TSPEAR: variants seen among roughly 807,000 people sequenced by gnomAD.
The protein encoded by TSPEAR is thrombospondin type laminin G domain and EAR repeats.
A neutral mutation model predicts 71.6 loss-of-function variants in TSPEAR; 69 were observed. That is an observed-to-expected ratio of 0.96 (90% CI 0.79 to 1.18). The LOEUF is 1.18. Among genes scored for constraint, TSPEAR ranks in the 50% most tolerant of loss-of-function variants. The pLI, the probability that TSPEAR is intolerant of heterozygous loss-of-function variation, is 0.00. For missense variants in TSPEAR, 971 were observed against 894.9 expected, an observed-to-expected ratio of 1.09 and a Z score of -1.09; for synonymous variants, 402 against 387.2, an observed-to-expected ratio of 1.04 and a Z score of -0.45.
intron 1 of TSPEAR, among the ~76,000 whole-genome samples, chr21:44,673,342 A>G (rs893739397): frequency 1.2e-4 from 18 of 152,242 alleles, no homozygotes; most frequent in African/African-American, 3.6e-4. Context: ...TCTTTCATGG[A>G]CAATCAAAAG....
chr21:44,568,169 CAG>C (rs879989853), intron 1 of TSPEAR, among the ~76,000 whole-genome samples, 164 bp from the exon 2 acceptor site: 3 of 152,204 alleles, frequency 2.0e-5, no homozygotes, highest in Non-Finnish European at 2.9e-5. Flanking sequence ...GGTAAGGAAA[CAG>C]AGGCACCATG....
chr21:44,540,042 A>G (rs2053188229), intron 2 of TSPEAR: 1 of 1,611,340 alleles, frequency 6.2e-7, no homozygotes, highest in African/African-American at 1.3e-5. Flanking sequence ...GCCGGGGCGC[A>G]GCAGCTGAGG....
At chr21:44,579,703 A>G (rs1978746798) in intron 1 of TSPEAR, 1 of 1,565,952 alleles carries the variant, frequency 6.4e-7, no homozygotes, top group Non-Finnish European at 8.6e-7. Flanking sequence ...CCGAGTCAGG[A>G]CCAGTTGGCC....
chr21:44,621,639 C>T lies in TSPEAR; in HGVS notation c.83-53634G>A, dbSNP rs377448183. On this transcript the variant is annotated intron_variant, in intron 1 of 11. Coordinates refer to ENST00000323084, the MANE Select transcript of TSPEAR (RefSeq NM_144991.3). ...TACTTCAGGCCCCACTTCCTAAGGT[C>T]TGGAAAATTATGGCAGCCTAATAAA... Among the ~76,000 whole-genome samples, 4 of 152,272 alleles carry T rather than the reference C, an allele frequency of 2.6e-5. No individual in the cohort carries two copies. The East Asian group carries it at 7.7e-4, about 29-fold the overall frequency.
At chr21:44,580,571 G>A (rs371928961) in intron 1 of TSPEAR, 5 of 1,609,642 alleles carry the variant, frequency 3.1e-6, no homozygotes, top group Admixed American at 1.7e-5. Context: ...CATGGTGCAC[G>A]CGGCCATGCT....
At chr21:44,647,546 G>C (rs994952399) in intron 1 of TSPEAR, 15 of 704,980 alleles carry the variant, frequency 2.1e-5, no homozygotes, top group Non-Finnish European at 9.5e-6. Flanking sequence ...AAATCCCTCA[G>C]CAGGTGGACT....
intron 1 of TSPEAR, chr21:44,600,994 T>G (rs1471134276): frequency 2.2e-5 from 35 of 1,612,172 alleles, no homozygotes; most frequent in Non-Finnish European, 2.8e-5. Flanking sequence ...GCCTGTGTAC[T>G]GTGTGCCTGT....
chr21:44,605,202 T>C (rs1981230542), intron 1 of TSPEAR, among the ~76,000 whole-genome samples: 1 of 152,152 alleles, frequency 6.6e-6, no homozygotes, highest in African/African-American at 2.4e-5. Context: ...AAGAAAACAA[T>C]ACCATTTACA....
At chr21:44,536,696 A>C (rs761566503) in intron 2 of TSPEAR, among the ~76,000 whole-genome samples, 2 of 152,248 alleles carry the variant, frequency 1.3e-5, no homozygotes, top group African/African-American at 2.4e-5. Context: ...TTGCCACAGG[A>C]AAAACAATAG....
intron 1 of TSPEAR, among the ~76,000 whole-genome samples, chr21:44,589,360 ATT>A (rs374779860): frequency 7.2e-5 from 11 of 152,278 alleles, no homozygotes; most frequent in African/African-American, 2.6e-4. Context: ...TCTGATGGAC[ATT>A]TAGGCTTCTT....
At chr21:44,553,370 A>T (rs2053477764) in intron 2 of TSPEAR, among the ~76,000 whole-genome samples, 1 of 152,206 alleles carries the variant, frequency 6.6e-6, no homozygotes, top group Non-Finnish European at 1.5e-5. Flanking sequence ...AAGATGAAAG[A>T]CAGCAAGTCT....
chr21:44,682,566 G>A (rs1156458174), intron 1 of TSPEAR, among the ~76,000 whole-genome samples: 13 of 152,200 alleles, frequency 8.5e-5, no homozygotes, highest in African/African-American at 2.4e-4. Flanking sequence ...ATCATACTGG[G>A]GAACCTGCTG....
At position 44,646,788 on chromosome 21, in the gene TSPEAR, C is replaced by T. The variant is rs372003177; in HGVS notation, c.82+64645G>A. On this transcript the variant is annotated intron_variant, in intron 1 of 11. Transcript: ENST00000323084. ...CTGTCTGCTGCAAGACTGTCTGCTGCAAGCCTGTGTGCTGTGTGCCTGTCT... is the reference window on the plus strand; with the variant it reads ...CTGTCTGCTGCAAGACTGTCTGCTGTAAGCCTGTGTGCTGTGTGCCTGTCT... 216 of 1,612,848 alleles carry T rather than the reference C, an allele frequency of 1.3e-4. No homozygotes were observed. The African/African-American group carries it at 2.7e-3, about 20-fold the overall frequency.
chr21:44,516,749 C>T (rs1300849199), intron 9 of TSPEAR, among the ~76,000 whole-genome samples: 3 of 152,188 alleles, frequency 2.0e-5, no homozygotes, highest in African/African-American at 7.2e-5. Flanking sequence ...GCCAGGCAAA[C>T]ATTCTCCTTT....
At chr21:44,676,990 C>T (rs1233874015) in intron 1 of TSPEAR, 2 of 926,862 alleles carry the variant, frequency 2.2e-6, no homozygotes, top group Admixed American at 1.7e-5. Flanking sequence ...CATTCCTTTC[C>T]ACCCAGGAAG....
intron 1 of TSPEAR, among the ~76,000 whole-genome samples, chr21:44,581,758 C>T (rs971841078): frequency 5.3e-5 from 8 of 152,168 alleles, no homozygotes; most frequent in Non-Finnish European, 7.3e-5. Flanking sequence ...ATTTTTGGCT[C>T]ACTGTAATGA....
chr21:44,702,370 C>T, intron 1 of TSPEAR: 2 of 891,628 alleles, frequency 2.2e-6, no homozygotes, highest in Non-Finnish European at 2.9e-6. Context: ...CCCCTGCTGC[C>T]AGGCAGCCTG....
intron 1 of TSPEAR, chr21:44,579,913 G>A (rs1555924680): frequency 1.2e-6 from 2 of 1,613,406 alleles, no homozygotes; most frequent in Admixed American, 1.7e-5. Flanking sequence ...GGCAGAGGAG[G>A]GACACGGAGG....
intron 2 of TSPEAR, among the ~76,000 whole-genome samples, chr21:44,561,939 C>G (rs1601418935): frequency 6.6e-6 from 1 of 152,214 alleles, no homozygotes; most frequent in East Asian, 1.9e-4. Flanking sequence ...GATACCCTCT[C>G]TCATCACTCC....
Sources: allele counts gnomAD v4.1 joint callset (sites outside exome capture counted in the v4.1 genomes callset), GRCh38; gene constraint gnomAD v4.1.1; transcripts MANE v1.5; gene names NCBI Gene and HGNC (gene_info 2026-07-23, HGNC 2026-07-21).